The following HPS3 variants were observed in gnomAD, a reference collection of about 807,000 sequenced individuals.
HPS3 encodes HPS3 biogenesis of lysosomal organelles complex 2 subunit 1.
A neutral mutation model predicts 110.9 loss-of-function variants in HPS3; 79 were observed. That is an observed-to-expected ratio of 0.71 (90% confidence interval 0.59 to 0.86). HPS3 has a LOEUF of 0.86. HPS3 is among the 40% of genes least tolerant of loss of function. The probability of loss-of-function intolerance (pLI) is 0.00; values close to 1 mark genes in which losing one functional copy is unlikely to be tolerated. For synonymous variants in HPS3, 428 were observed against 451.0 expected (o/e 0.95, Z 0.65); for missense variants, 1,197 against 1,206.2 (o/e 0.99, Z 0.11).
chr3:149,173,515 T>C lies in HPS3; in HGVS notation c.*1293T>C, dbSNP rs1725192191. 1 of 451,036 alleles carries C rather than the reference T, an allele frequency of 2.2e-6. No homozygotes were observed. The highest frequency in any genetic ancestry group is 3.9e-5 in the Admixed American group (1 of 25,426). 27.9% of individuals were successfully genotyped at this position (451,036 alleles called of 1,614,324 possible). On this transcript the variant is annotated 3_prime_UTR_variant, in exon 17 of 17. Transcript: ENST00000296051. ...ACCTAGTGTACAAGTGTCAGTCATG[T>C]ATCATTATATAGTCTGTTGATCTTT...
At chr3:149,152,187 G>C (rs1202586219) in intron 6 of HPS3, among the ~76,000 whole-genome samples, 1 of 152,080 alleles carries the variant, frequency 6.6e-6, no homozygotes, top group Admixed American at 6.6e-5. Flanking sequence ...TATTTCCTTT[G>C]TAAAAATAGA....
At chr3:149,155,241 T>C in intron 8 of HPS3, 26 bp downstream of exon 8, 1 of 1,173,556 alleles carries the variant, frequency 8.5e-7, no homozygotes, top group Non-Finnish European at 1.3e-6. Context: ...TTCTGATTCT[T>C]GTTTGTAGAT....
Position 149,162,862 on chromosome 3 carries a change from G to C in HPS3, c.2465G>C (p.Arg822Pro). ...CAGCCTCCTGACACCACACCATTGC[G>C]AACATCGGAGGATCTGGTAAGATAA... ...KRQPPDTTPL[R>P]TSEDLINACS... Residue 822 changes from arginine (R) to proline (P), a missense_variant, in exon 13 of 17, where the codon CGA (arginine) becomes CCA (proline). Transcript: ENST00000296051. The C allele has an allele frequency of 6.2e-7, 1 of 1,613,388 alleles. No homozygotes were observed. Among genetic ancestry groups the C allele is most frequent in the Non-Finnish European group, 8.5e-7 (1 of 1,179,422 alleles).
chr3:149,167,149 A>G lies in HPS3; in HGVS notation c.2705A>G (p.Lys902Arg). 1 of 1,613,994 alleles carries G rather than the reference A, an allele frequency of 6.2e-7. No homozygotes were observed. Among genetic ancestry groups the G allele is most frequent in the South Asian group, 1.1e-5 (1 of 91,080 alleles). Reference protein sequence around the residue: ...SVHVLCRTRLKEYEQCIDILL... With the variant: ...SVHVLCRTRLREYEQCIDILL... ...CATGTTCTGTGTCGTACACGCTTGAAAGAGTATGAACAGTGCATAGACATA... is the reference window on the plus strand; with the variant it reads ...CATGTTCTGTGTCGTACACGCTTGAGAGAGTATGAACAGTGCATAGACATA... Residue 902 changes from lysine to arginine, a missense_variant, in exon 15 of 17, where the codon AAA (lysine) becomes AGA (arginine). Lys to Arg is a conservative substitution (Grantham distance 26). Transcript: ENST00000296051.
intron 14 of HPS3, among the ~76,000 whole-genome samples, chr3:149,166,600 T>G (rs940569501): frequency 1.1e-4 from 17 of 152,252 alleles, no homozygotes; most frequent in African/African-American, 4.1e-4. Context: ...TTCCATTATC[T>G]GAGTGTGCCA....
Position 149,167,349 on chromosome 3 carries a change from A to T in HPS3, c.2796+109A>T, listed in dbSNP as rs550993546. ...ACAATTTATGCTAATCCAACATCAT[A>T]AGGCTGTGTGGGTCCATTGAGCATA... On this transcript the variant is annotated intron_variant, in intron 15 of 16. Transcript: ENST00000296051. 20 of 837,716 alleles carry T rather than the reference A, an allele frequency of 2.4e-5. No homozygotes were observed. In the South Asian group the frequency reaches 2.9e-4, roughly 12 times the overall value. The allele number at this position is 837,716 out of a possible 1,614,324, so 51.9% of individuals were successfully genotyped here.
At chr3:149,162,921 C>T (rs763819697) in intron 13 of HPS3, 43 bp downstream of exon 13, 3 of 1,438,142 alleles carry the variant, frequency 2.1e-6, no homozygotes, top group Non-Finnish European at 2.9e-6. Context: ...TCATGCATTG[C>T]CCATTACAAA....
chr3:149,146,692 T>C lies in HPS3; in HGVS notation c.1163+1146T>C, dbSNP rs966916835. ...TGCACTCCCTTCTCCACCTGATTTCTGGCTTAAGGAGAAATGCTGCTGATG... is the reference window on the plus strand; with the variant it reads ...TGCACTCCCTTCTCCACCTGATTTCCGGCTTAAGGAGAAATGCTGCTGATG... On this transcript the variant is annotated intron_variant, in intron 5 of 16. Coordinates refer to ENST00000296051, the MANE Select transcript of HPS3 (RefSeq NM_032383.5). Among the ~76,000 whole-genome samples, 6 of 152,318 alleles carry C rather than the reference T, an allele frequency of 3.9e-5. No individual in the cohort carries two copies. The South Asian group carries it at 1.2e-3, about 32-fold the overall frequency.
intron 4 of HPS3, among the ~76,000 whole-genome samples, chr3:149,142,221 C>T (rs1722523273): frequency 6.6e-6 from 1 of 152,188 alleles, no homozygotes; most frequent in South Asian, 2.1e-4. Context: ...ATGGAGAAGG[C>T]ATGACAGACT....
At chr3:149,137,396 A>C (rs182666040) in intron 1 of HPS3, among the ~76,000 whole-genome samples, 1 of 152,230 alleles carries the variant, frequency 6.6e-6, no homozygotes, top group Admixed American at 6.5e-5. Context: ...AACACAGCCT[A>C]TGTGGAAAAC....
rs564057556 is a variant in HPS3 at position 149,167,042 on chromosome 3, A to G, written c.2598A>G (p.Ile866Met). Residue 866 changes from isoleucine (I) to methionine (M), a missense_variant, in exon 15 of 17, where the codon ATA (isoleucine) becomes ATG (methionine). Ile to Met is a conservative substitution (Grantham distance 10). Coordinates refer to ENST00000296051, the MANE Select transcript of HPS3 (RefSeq NM_032383.5). ...TEDLSKLQSL[I>M]CGPSFDIASI... ...CACTTTTCTGTTCATAGTCTCTTAT[A>G]TGTGGTCCTTCATTTGACATAGCTT... 3 of 1,611,582 alleles carry G rather than the reference A, an allele frequency of 1.9e-6. No individual in the cohort carries two copies. Among genetic ancestry groups the G allele is most frequent in the African/African-American group, 2.7e-5 (2 of 74,868 alleles).
rs774082713 is a variant in HPS3, at chr3:149,158,756, A to G, written c.1782A>G (p.Thr594=). ...MAEVLARTDW[T]VEDGLQKYER... is the part of the protein sequence containing the mutation. ...AAGTTCTGGCCCGCACGGACTGGAC[A>G]GTAGAGGATGGATTACAGAAATACG... The change falls in exon 10 of 17, where the codon ACA becomes ACG. Residue 594 remains threonine (T), a synonymous_variant. Coordinates refer to ENST00000296051, the MANE Select transcript of HPS3 (RefSeq NM_032383.5). 21 of 1,612,492 alleles carry G rather than the reference A, an allele frequency of 1.3e-5. No individual in the cohort carries two copies. In the South Asian group the frequency reaches 2.3e-4, roughly 18 times the overall value.
intron 4 of HPS3, among the ~76,000 whole-genome samples, chr3:149,141,683 G>A (rs1394932326): frequency 1.4e-5 from 2 of 143,114 alleles, no homozygotes; most frequent in African/African-American, 2.6e-5. Context: ...ACAGGCGCCC[G>A]CCACCAAGCC....
chr3:149,163,991 C>A, intron 14 of HPS3, 42 bp downstream of exon 14: 1 of 987,830 alleles, frequency 1.0e-6, no homozygotes, highest in Non-Finnish European at 1.6e-6. Context: ...TTGCATATTA[C>A]AATATAGTGT....
intron 1 of HPS3, among the ~76,000 whole-genome samples, chr3:149,131,703 G>A (rs534834404): frequency 4.2e-4 from 64 of 152,294 alleles, no homozygotes; most frequent in South Asian, 8.3e-4. Flanking sequence ...ACACTTGGAC[G>A]TCTCTCACTT....
At position 149,145,491 on chromosome 3, in the gene HPS3, C is replaced by G; in HGVS notation, c.1108C>G (p.Pro370Ala). ...SVELMSVYQY[P>A]EKSQQAVLTP... ...TGAATTGATGTCAGTCTACCAGTAT[C>G]CTGAAAAGTCTCAGCAGGCAGTACT... The change falls in exon 5 of 17, where the codon CCT (proline) becomes GCT (alanine). Residue 370 changes from proline (P) to alanine (A), a missense_variant. Transcript: ENST00000296051. The G allele has an allele frequency of 6.2e-7, 1 of 1,614,090 alleles. No homozygotes were observed. Among genetic ancestry groups the G allele is most frequent in the South Asian group, 1.1e-5 (1 of 91,078 alleles).
chr3:149,136,942 G>A (rs532126268), intron 1 of HPS3, among the ~76,000 whole-genome samples: 120 of 152,180 alleles, frequency 7.9e-4, no homozygotes, highest in African/African-American at 2.8e-3. Context: ...GATACCAAAA[G>A]TATAGGCAAC....
chr3:149,143,417 T>C (rs1722605486), intron 4 of HPS3, among the ~76,000 whole-genome samples: 1 of 152,202 alleles, frequency 6.6e-6, no homozygotes, highest in Non-Finnish European at 1.5e-5. Flanking sequence ...GACCTCTCAA[T>C]TTAAAATATC....
intron 9 of HPS3, among the ~76,000 whole-genome samples, chr3:149,158,175 T>G (rs1723571061): frequency 6.6e-6 from 1 of 152,210 alleles, no homozygotes; most frequent in Non-Finnish European, 1.5e-5. Flanking sequence ...GAGAGTAATG[T>G]TTACAAATTT....
Sources: gnomAD v4.1 joint callset for allele counts (sites outside exome capture counted in the v4.1 genomes callset) on GRCh38, gnomAD v4.1.1 for gene constraint, MANE v1.5 for transcripts, NCBI Gene and HGNC (gene_info 2026-07-23, HGNC 2026-07-21) for gene names.